REG4: variants seen among roughly 807,000 people sequenced by gnomAD.
REG4 encodes the protein regenerating family member 4.
A neutral mutation model predicts 22.3 loss-of-function variants in REG4; 16 were observed. That is an observed-to-expected ratio of 0.72 (90% CI 0.49 to 1.09). REG4 has a LOEUF of 1.09. Among genes scored for constraint, REG4 ranks in the 50% least tolerant of loss-of-function variants. REG4 has a pLI of 0.00. For synonymous variants in REG4, 71 were observed against 69.2 expected (o/e 1.03, Z -0.13); for missense variants, 214 against 193.9 (o/e 1.10, Z -0.61).
intron 2 of REG4, among the ~76,000 whole-genome samples, chr1:119,805,455 C>T (rs2101073529): frequency 6.6e-6 from 1 of 152,230 alleles, no homozygotes; most frequent in Admixed American, 6.5e-5. Context: ...CTTCCGTGAG[C>T]AAACATGTTA....
At chr1:119,801,260 C>T (rs936439567) in intron 3 of REG4, 9 of 152,070 alleles carry the variant, frequency 5.9e-5, no homozygotes, top group Non-Finnish European at 1.0e-4. Flanking sequence ...AATTTTAGTT[C>T]GGGTTGCTTA....
chr1:119,799,844 C>A lies in REG4; in HGVS notation c.184G>T (p.Gly62Ter). 6.2e-7 allele frequency: 1 copy of A among 1,614,072 alleles called. No individual in the cohort carries two copies. ...ATAGATGCCAGGTGGGCTCCGTTTCCGTAAGACTGACACTCGAGCTATGTA... is the reference window on the plus strand; with the variant it reads ...ATAGATGCCAGGTGGGCTCCGTTTCAGTAAGACTGACACTCGAGCTATGTA... ...SDAELECQSY[G>*]NGAHLASILS... The change falls in exon 4 of 6, where the codon GGA (glycine) becomes TGA (stop). Residue 62 changes from glycine to a stop codon, truncating the protein, a stop_gained. Coordinates refer to ENST00000256585, the MANE Select transcript of REG4 (RefSeq NM_032044.4). LOFTEE classifies it high-confidence loss of function.
At chr1:119,796,144 T>A (rs999269197) in intron 5 of REG4, among the ~76,000 whole-genome samples, 1 of 152,186 alleles carries the variant, frequency 6.6e-6, no homozygotes, top group South Asian at 2.1e-4. Context: ...TATTTCCTCC[T>A]TTTTATAAGG....
intron 4 of REG4, among the ~76,000 whole-genome samples, chr1:119,798,953 A>G (rs1654015067): frequency 6.6e-6 from 1 of 152,222 alleles, no homozygotes; most frequent in African/African-American, 2.4e-5. Context: ...ATGGTAAAGG[A>G]TTATCTGTTT....
In REG4 at chr1:119,799,798, C is replaced by T. The variant is rs766109983; in HGVS notation, c.230G>A (p.Ser77Asn). Reference protein sequence around the residue: ...LASILSLKEASTIAEYISGYQ... With the variant: ...LASILSLKEANTIAEYISGYQ... Reference sequence around the variant, plus strand: ...GCCACTTATGTACTCTGCTATGGTGCTGGCTTCCTTTAAACTCAGGATAGA... The same window carrying T: ...GCCACTTATGTACTCTGCTATGGTGTTGGCTTCCTTTAAACTCAGGATAGA... The change falls in exon 4 of 6, where the codon AGC becomes AAC. Residue 77 changes from serine (S) to asparagine (N), a missense_variant. Physicochemically the swap from Ser to Asn is conservative, Grantham distance 46 (BLOSUM62 1). Transcript: ENST00000256585. The T allele has an allele frequency of 6.2e-7, 1 of 1,614,196 alleles. No individual in the cohort carries two copies. Among genetic ancestry groups the T allele is most frequent in the Non-Finnish European group, 8.5e-7 (1 of 1,180,042 alleles).
chr1:119,798,354 AAG>A (rs1653992649), intron 5 of REG4, 141 bp downstream of exon 5: 1 of 665,500 alleles, frequency 1.5e-6, no homozygotes, highest in Admixed American at 2.1e-5. Flanking sequence ...TGTCTGTGGC[AAG>A]GCCACTGCCT....
At chr1:119,796,959 T>C (rs1270772195) in intron 5 of REG4, among the ~76,000 whole-genome samples, 1 of 152,246 alleles carries the variant, frequency 6.6e-6, no homozygotes, top group Non-Finnish European at 1.5e-5. Flanking sequence ...CCAAAGCAGG[T>C]CTGGCCTCCA....
At chr1:119,804,874 C>A (rs1186025428) in intron 2 of REG4, among the ~76,000 whole-genome samples, 2 of 152,124 alleles carry the variant, frequency 1.3e-5, no homozygotes, top group African/African-American at 2.4e-5. Context: ...TCTCTCTCCC[C>A]TCCCCTTTCT....
chr1:119,797,627 A>G (rs1157736907), intron 5 of REG4, among the ~76,000 whole-genome samples: 1 of 152,222 alleles, frequency 6.6e-6, no homozygotes, highest in Non-Finnish European at 1.5e-5. Flanking sequence ...ATTCTCAAGT[A>G]TACGACCTTT....
At position 119,799,876 on chromosome 1, in the gene REG4, G is replaced by A; in HGVS notation, c.166-14C>T. 6.2e-7 allele frequency: 1 copy of A among 1,613,690 alleles called. No homozygotes were observed. ...CTGACACTCGAGCTATGTACAAGGA[G>A]AGGTCCTGTTAATTATGCCTGCATG... On this transcript the variant is annotated splice_polypyrimidine_tract_variant and intron_variant, in intron 3 of 5. Transcript: ENST00000256585.
chr1:119,796,424 A>G (rs1557759286), intron 5 of REG4, among the ~76,000 whole-genome samples: 1 of 152,220 alleles, frequency 6.6e-6, no homozygotes, highest in Non-Finnish European at 1.5e-5. Context: ...GAGAGTCAGA[A>G]AGGGTGAGAG....
At chr1:119,796,883 T>C (rs758165202) in intron 5 of REG4, among the ~76,000 whole-genome samples, 17 of 152,242 alleles carry the variant, frequency 1.1e-4, no homozygotes, top group Non-Finnish European at 2.4e-4. Context: ...TTGAGGACTT[T>C]GTCCAATGGG....
chr1:119,805,981 G>C (rs1654302780), intron 2 of REG4, among the ~76,000 whole-genome samples: 1 of 152,196 alleles, frequency 6.6e-6, no homozygotes, highest in South Asian at 2.1e-4. Context: ...GCCCAGGCTG[G>C]AGGGCAGCGG....
At chr1:119,805,370 G>A (rs759200720) in intron 2 of REG4, among the ~76,000 whole-genome samples, 9 of 152,104 alleles carry the variant, frequency 5.9e-5, no homozygotes, top group South Asian at 2.1e-4. Context: ...CCTTTGGCCC[G>A]AGGACAAAGA....
intron 1 of REG4, among the ~76,000 whole-genome samples, chr1:119,809,447 G>C (rs1372047365): frequency 6.6e-6 from 1 of 152,000 alleles, no homozygotes; most frequent in East Asian, 1.9e-4. Flanking sequence ...TTCCCCATTA[G>C]CAAACAACAC....
At position 119,799,956 on chromosome 1, in the gene REG4, C is replaced by T. The variant is rs587612717; in HGVS notation, c.166-94G>A. On this transcript the variant is annotated intron_variant, in intron 3 of 5. Coordinates refer to ENST00000256585, the MANE Select transcript of REG4 (RefSeq NM_032044.4). ...TAGCGTGCCAAGAAGGAGGGACTCACGCAGCCCCCACTTCCTCCACACATC... is the reference window on the plus strand; with the variant it reads ...TAGCGTGCCAAGAAGGAGGGACTCATGCAGCCCCCACTTCCTCCACACATC... The T allele has an allele frequency of 1.5e-5, 23 of 1,484,000 alleles. No homozygotes were observed. In the East Asian group the frequency reaches 2.3e-4, roughly 15 times the overall value. The allele number at this position is 1,484,000 out of a possible 1,614,324, so 91.9% of individuals were successfully genotyped here.
At chr1:119,802,571 C>A in intron 3 of REG4, 1 of 1,172,622 alleles carries the variant, frequency 8.5e-7, no homozygotes, top group Non-Finnish European at 1.1e-6. Context: ...AAAGCTTCAA[C>A]GAAATAAAAT....
In REG4 at chr1:119,799,996, A is replaced by C. The variant is rs149425305; in HGVS notation, c.166-134T>G. The C allele has an allele frequency of 3.6e-3, 4,192 of 1,151,862 alleles. 14 individuals are homozygous for C. Among genetic ancestry groups the C allele is most frequent in the Non-Finnish European group, 4.2e-3 (3,406 of 814,118 alleles). The allele number at this position is 1,151,862 out of a possible 1,614,324, so 71.4% of individuals were successfully genotyped here. A position where few individuals can be genotyped will look rare whatever the true frequency, so the allele number is the denominator to read the frequency against. ...CTCCACACATCGTGCTCTAAGCCCCACAGAAGGCTTCCTGCCACCCTGGGA... is the reference window on the plus strand; with the variant it reads ...CTCCACACATCGTGCTCTAAGCCCCCCAGAAGGCTTCCTGCCACCCTGGGA... On this transcript the variant is annotated intron_variant, in intron 3 of 5. Coordinates refer to ENST00000256585, the MANE Select transcript of REG4 (RefSeq NM_032044.4).
intron 4 of REG4, among the ~76,000 whole-genome samples, chr1:119,799,408 G>C (rs938303905): frequency 6.1e-4 from 31 of 51,084 alleles, no homozygotes; most frequent in Non-Finnish European, 8.8e-4. Context: ...GCCTGTGTGC[G>C]TACACACACA....
Sources: gnomAD v4.1 joint callset for allele counts (sites outside exome capture counted in the v4.1 genomes callset) on GRCh38, gnomAD v4.1.1 for gene constraint, MANE v1.5 for transcripts, NCBI Gene and HGNC (gene_info 2026-07-23, HGNC 2026-07-21) for gene names.